The following SFSWAP variants were observed in gnomAD, a reference collection of about 807,000 sequenced individuals.
SFSWAP encodes the protein splicing factor SWAP, also known as splicing factor, suppressor of white-apricot homolog.
Under a neutral mutation model 100.7 loss-of-function variants are expected in SFSWAP, and 17 were observed. The ratio of observed to expected loss-of-function variants is 0.17; its 90% confidence interval spans 0.12 to 0.25. SFSWAP has a LOEUF of 0.25. Among genes scored for constraint, SFSWAP ranks in the 10% least tolerant of loss-of-function variants. The pLI is 1.00. For synonymous variants in SFSWAP, 504 were observed against 510.1 expected, an observed-to-expected ratio of 0.99 and a Z score of 0.16; for missense variants, 1,005 against 1,262.6, an observed-to-expected ratio of 0.80 and a Z score of 3.09.
chr12:131,771,376 G>A (rs766437271), intron 13 of SFSWAP, among the ~76,000 whole-genome samples: 7 of 152,140 alleles, frequency 4.6e-5, no homozygotes, highest in South Asian at 2.1e-4. Flanking sequence ...GAACGATGCC[G>A]CTTTCACCCA....
At chr12:131,736,500 G>A (rs565150231) in intron 7 of SFSWAP, among the ~76,000 whole-genome samples, 3 of 152,240 alleles carry the variant, frequency 2.0e-5, no homozygotes, top group Admixed American at 6.5e-5. Flanking sequence ...TCTGCAGTGC[G>A]AATAATTCAG....
At chr12:131,761,097 C>T (rs115020653) in intron 11 of SFSWAP, among the ~76,000 whole-genome samples, 1,990 of 152,220 alleles carry the variant, frequency 0.013, 42 homozygotes, top group African/African-American at 0.044. Context: ...GGTTATGAAA[C>T]GAGCTGTGCC....
intron 15 of SFSWAP, among the ~76,000 whole-genome samples, chr12:131,795,330 C>A (rs1885549200): frequency 6.6e-6 from 1 of 152,216 alleles, no homozygotes; most frequent in African/African-American, 2.4e-5. Context: ...TAGGTCACTT[C>A]ACTGGCACCA....
intron 13 of SFSWAP, among the ~76,000 whole-genome samples, chr12:131,775,051 G>A (rs1883904282): frequency 1.3e-5 from 2 of 152,142 alleles, no homozygotes; most frequent in South Asian, 2.1e-4. Flanking sequence ...TCTCGCGCCC[G>A]TTTGGTTTTG....
chr12:131,760,842 G>T (rs997505649), intron 11 of SFSWAP, among the ~76,000 whole-genome samples: 3 of 152,128 alleles, frequency 2.0e-5, no homozygotes, highest in Non-Finnish European at 4.4e-5. Flanking sequence ...GGGAGGCCGA[G>T]GGGGGCAGAT....
chr12:131,761,729 G>A (rs916916488), intron 11 of SFSWAP, among the ~76,000 whole-genome samples: 2 of 152,224 alleles, frequency 1.3e-5, no homozygotes, highest in African/African-American at 4.8e-5. Flanking sequence ...CAACAATTTT[G>A]TGATTGAAAA....
rs189593707 is a variant in SFSWAP, at chr12:131,771,820, G to A, written c.2142+5512G>A. Among the ~76,000 whole-genome samples the A allele has an allele frequency of 1.4e-3, 209 of 151,968 alleles. 4 individuals carry two copies. The East Asian group carries it at 0.037, about 27-fold the overall frequency. On this transcript the variant is annotated intron_variant, in intron 13 of 17. Transcript: ENST00000261674. ...TGGGACTATAGGCGGGCGCCACCAC[G>A]CCCAGGTAATTTTTGTATTTTTAGT... is the stretch of plus-strand genomic sequence containing the variant.
chr12:131,780,523 T>C (rs1443906608), intron 14 of SFSWAP, among the ~76,000 whole-genome samples: 1 of 151,992 alleles, frequency 6.6e-6, no homozygotes, highest in Non-Finnish European at 1.5e-5. Context: ...GGCATGGCAG[T>C]GGATGCTTTG....
intron 7 of SFSWAP, among the ~76,000 whole-genome samples, chr12:131,729,586 G>T (rs578166706): frequency 6.6e-6 from 1 of 152,346 alleles, no homozygotes; most frequent in East Asian, 1.9e-4. Context: ...GCTGATTGCA[G>T]TTCTTTTATG....
intron 1 of SFSWAP, chr12:131,712,940 G>A (rs1877521266): frequency 6.6e-6 from 1 of 152,170 alleles, no homozygotes; most frequent in African/African-American, 2.4e-5. Context: ...ACATGTACAT[G>A]TATAATATTT....
chr12:131,770,191 G>C (rs979874581), intron 13 of SFSWAP, among the ~76,000 whole-genome samples: 1 of 152,246 alleles, frequency 6.6e-6, no homozygotes, highest in Non-Finnish European at 1.5e-5. Context: ...TCTAGCATCT[G>C]CTTTACTCGC....
chr12:131,774,038 T>C (rs1044892516), intron 13 of SFSWAP, among the ~76,000 whole-genome samples: 2 of 152,050 alleles, frequency 1.3e-5, no homozygotes. Context: ...GGAGGCCAGT[T>C]GTGGAGAGCC....
At chr12:131,798,377 C>T (rs1354384772) in intron 16 of SFSWAP, among the ~76,000 whole-genome samples, 3 of 152,104 alleles carry the variant, frequency 2.0e-5, no homozygotes, top group Non-Finnish European at 2.9e-5. Context: ...GGTGTTGGCT[C>T]CAGCACACAG....
intron 9 of SFSWAP, among the ~76,000 whole-genome samples, chr12:131,754,726 T>A (rs530169139): frequency 1.4e-5 from 2 of 139,408 alleles, no homozygotes; most frequent in South Asian, 4.8e-4. Flanking sequence ...CTCTACCTCC[T>A]GGGCTCAAGC....
intron 13 of SFSWAP, among the ~76,000 whole-genome samples, chr12:131,774,074 AGAGACC>A (rs1216225907): frequency 2.0e-5 from 3 of 152,200 alleles, no homozygotes; most frequent in Non-Finnish European, 4.4e-5. Flanking sequence ...AGTGAGCACG[AGAGACC>A]GACAGGATGA....
At chr12:131,724,120 TTTTTGTAAAA>T (rs1450623557) in intron 4 of SFSWAP, among the ~76,000 whole-genome samples, 2 of 152,234 alleles carry the variant, frequency 1.3e-5, no homozygotes, top group Non-Finnish European at 2.9e-5. Flanking sequence ...ATGCTTTGTT[TTTTTGTAAAA>T]TTACTTACAC....
rs970438079 is a variant in SFSWAP at position 131,714,466 on chromosome 12, GA to G, written c.388+233del. The G allele has an allele frequency of 3.8e-5, 19 of 501,644 alleles. No homozygotes were observed. Among genetic ancestry groups the G allele is most frequent in the Non-Finnish European group, 6.6e-5 (19 of 285,822 alleles). 31.1% of individuals were successfully genotyped at this position (501,644 alleles called of 1,614,324 possible). ...AGCTTTTGAGGGCAGACTGGGATTTGAAAAAAACAAAAACCAAACTCTTTAA... is the reference window on the plus strand; with the variant it reads ...AGCTTTTGAGGGCAGACTGGGATTTGAAAAAACAAAAACCAAACTCTTTAA... On this transcript the variant is annotated intron_variant, in intron 2 of 17. Coordinates refer to ENST00000261674, the MANE Select transcript of SFSWAP (RefSeq NM_004592.4). This position sits in a 1 kb window ranked among gnomAD's most constrained non-coding sequence, Gnocchi z 6.0.
At chr12:131,796,128 CTG>C (rs1885660281) in intron 15 of SFSWAP, 1 of 152,136 alleles carries the variant, frequency 6.6e-6, no homozygotes, top group Admixed American at 6.6e-5. Context: ...CCAAGAAACA[CTG>C]TACTCAGGGC....
intron 7 of SFSWAP, among the ~76,000 whole-genome samples, chr12:131,736,003 GA>G (rs1469012684): frequency 6.6e-6 from 1 of 152,214 alleles, no homozygotes; most frequent in Non-Finnish European, 1.5e-5. Flanking sequence ...GGCTTCTGAA[GA>G]GACGCGCCTT....
Sources: gnomAD v4.1 joint callset for allele counts (sites outside exome capture counted in the v4.1 genomes callset) on GRCh38, gnomAD v4.1.1 for gene constraint, Gnocchi (gnomAD v3.1) non-coding constraint, MANE v1.5 for transcripts, NCBI Gene and HGNC (gene_info 2026-07-23, HGNC 2026-07-21) for gene names.